EIF4G3: variants seen among roughly 807,000 people sequenced by gnomAD.
EIF4G3 encodes the protein eukaryotic translation initiation factor 4 gamma 3, also known as eIF-4-gamma 3.
EIF4G3 carries 34 observed loss-of-function variants against 186.4 expected under a neutral mutation model. That is an observed-to-expected ratio of 0.18 (90% CI 0.14 to 0.24). EIF4G3 has a LOEUF of 0.24. Ranked by LOEUF, EIF4G3 falls within the 10% of genes least tolerant of loss-of-function variation. EIF4G3 has a pLI of 1.00. For synonymous variants in EIF4G3, 673 were observed against 679.5 expected (o/e 0.99, Z 0.15); for missense variants, 1,536 against 1,948.5 (o/e 0.79, Z 3.99).
At chr1:20,899,642 C>A in intron 16 of EIF4G3, 55 bp downstream of exon 16, 1 of 1,583,722 alleles carries the variant, frequency 6.3e-7, no homozygotes, top group Non-Finnish European at 8.6e-7. Context: ...CAACATTTCT[C>A]TAAGGTTGCA....
chr1:21,160,843 C>T (rs764045350), intron 2 of EIF4G3, among the ~76,000 whole-genome samples: 8 of 152,062 alleles, frequency 5.3e-5, no homozygotes, highest in Non-Finnish European at 7.4e-5. Context: ...CAGCACAGTA[C>T]GAGGGCAGAG....
chr1:20,928,358 C>T (rs1327922749), intron 14 of EIF4G3, among the ~76,000 whole-genome samples: 1 of 152,134 alleles, frequency 6.6e-6, no homozygotes. Flanking sequence ...GCTATAACTT[C>T]CCTAAGCAAA....
chr1:21,087,097 C>T (rs1191276575), intron 3 of EIF4G3, among the ~76,000 whole-genome samples: 1 of 152,144 alleles, frequency 6.6e-6, no homozygotes, highest in Non-Finnish European at 1.5e-5. Context: ...ATAGGAATCA[C>T]TTCTCTATCA....
intron 4 of EIF4G3, among the ~76,000 whole-genome samples, chr1:21,009,028 ACTTAAAAT>A (rs1293544502): frequency 6.6e-6 from 1 of 152,224 alleles, no homozygotes; most frequent in East Asian, 1.9e-4. Flanking sequence ...GCTGGTAAAG[ACTTAAAAT>A]CTTAAAATCT....
chr1:20,864,995 GAA>G, intron 21 of EIF4G3, 119 bp downstream of exon 21: 1 of 1,105,710 alleles, frequency 9.0e-7, no homozygotes, highest in Non-Finnish European at 1.3e-6. Flanking sequence ...TTTCTACATG[GAA>G]AAAAAAAGGC....
At chr1:20,970,920 C>T (rs765117681) in intron 11 of EIF4G3, among the ~76,000 whole-genome samples, 5 of 152,026 alleles carry the variant, frequency 3.3e-5, no homozygotes, top group Admixed American at 6.5e-5. Flanking sequence ...GCTGAGATCA[C>T]GCCACTGCAC....
intron 2 of EIF4G3, among the ~76,000 whole-genome samples, chr1:21,131,617 A>T: frequency 6.6e-6 from 1 of 152,232 alleles, no homozygotes; most frequent in Non-Finnish European, 1.5e-5. Flanking sequence ...ATACTTAAGT[A>T]AACAGGTAAG....
At chr1:21,061,587 A>C (rs1053232552) in intron 3 of EIF4G3, among the ~76,000 whole-genome samples, 8 of 152,164 alleles carry the variant, frequency 5.3e-5, no homozygotes, top group African/African-American at 1.9e-4. Context: ...AAACTAGCAA[A>C]TTTCAGATGA....
chr1:20,923,437 C>A (rs1003930612), intron 14 of EIF4G3, among the ~76,000 whole-genome samples: 1 of 152,084 alleles, frequency 6.6e-6, no homozygotes, highest in Non-Finnish European at 1.5e-5. Flanking sequence ...CACTTTTGAA[C>A]CACTTCTACC....
intron 2 of EIF4G3, among the ~76,000 whole-genome samples, chr1:21,159,199 G>A (rs952425281): frequency 6.6e-6 from 1 of 151,988 alleles, no homozygotes; most frequent in African/African-American, 2.4e-5. Context: ...TTGGGAGGCC[G>A]AGGCAGGAGG....
chr1:21,124,039 C>G (rs1011079708), intron 2 of EIF4G3, among the ~76,000 whole-genome samples: 12 of 152,016 alleles, frequency 7.9e-5, no homozygotes, highest in Non-Finnish European at 2.9e-5. Flanking sequence ...GCCTGTAATC[C>G]CAGCACTTTG....
rs1469220136 is a variant in EIF4G3 at position 20,984,593 on chromosome 1, C to T, written c.178-2185G>A. ...ACACACACACACACACATATATACA[C>T]TTTTTTTTTTTTTTGAGACGGAGTC... is the stretch of plus-strand genomic sequence containing the variant. On this transcript the variant is annotated intron_variant, in intron 7 of 36. Coordinates refer to ENST00000602326, the MANE Select transcript of EIF4G3 (RefSeq NM_001391906.1). Among the ~76,000 whole-genome samples, 353 of 132,630 alleles carry T rather than the reference C, an allele frequency of 2.7e-3. 1 individual carries two copies. The highest frequency in any genetic ancestry group is 4.3e-3 in the Middle Eastern group (1 of 232). 87.0% of individuals were successfully genotyped at this position (132,630 alleles called of 152,430 possible).
At chr1:21,117,014 T>C (rs2096837080) in intron 2 of EIF4G3, among the ~76,000 whole-genome samples, 1 of 152,100 alleles carries the variant, frequency 6.6e-6, no homozygotes, top group South Asian at 2.1e-4. Context: ...AATTGTAAAA[T>C]ATAGTCCAGC....
chr1:21,176,103 C>A (rs989565964), intron 2 of EIF4G3, 72 bp downstream of exon 2: 6 of 290,606 alleles, frequency 2.1e-5, no homozygotes, highest in African/African-American at 9.0e-5. Context: ...CAGGAGGGTC[C>A]CCTGGGCTGC....
At chr1:21,092,045 G>C in intron 2 of EIF4G3, among the ~76,000 whole-genome samples, 1 of 152,198 alleles carries the variant, frequency 6.6e-6, no homozygotes, top group East Asian at 1.9e-4. Context: ...GGAGTGGTGA[G>C]AGAGGGGCAT....
chr1:21,142,515 T>C (rs2097358817), intron 2 of EIF4G3, among the ~76,000 whole-genome samples: 1 of 151,914 alleles, frequency 6.6e-6, no homozygotes, highest in Non-Finnish European at 1.5e-5. Flanking sequence ...TCCCCAAAAA[T>C]TAAATTTTTT....
In EIF4G3 at chr1:21,137,449, A is replaced by C. The variant is rs1053450687; in HGVS notation, c.-272+38726T>G. On this transcript the variant is annotated intron_variant, in intron 2 of 36. Coordinates refer to ENST00000602326, the MANE Select transcript of EIF4G3 (RefSeq NM_001391906.1). ...GACACTGCACCTGGTCTCAAATTATATACTGGACACCATCATCTATGAAAA... is the reference window on the plus strand; with the variant it reads ...GACACTGCACCTGGTCTCAAATTATCTACTGGACACCATCATCTATGAAAA... 6.6e-5 allele frequency among the ~76,000 whole-genome samples: 10 copies of C among 152,184 alleles called. No homozygotes were observed. In the Middle Eastern group the frequency reaches 0.01, roughly 156 times the overall value.
At chr1:21,123,193 G>C (rs1191470588) in intron 2 of EIF4G3, among the ~76,000 whole-genome samples, 2 of 152,046 alleles carry the variant, frequency 1.3e-5, no homozygotes, top group African/African-American at 4.8e-5. Context: ...GACAGTGGTA[G>C]GCTTAAATAA....
intron 6 of EIF4G3, chr1:20,999,579 C>G: frequency 3.2e-6 from 1 of 317,128 alleles, no homozygotes; most frequent in Non-Finnish European, 6.2e-6. Flanking sequence ...ATGTTCCAGT[C>G]AAAAGAGAAT....
Sources: gnomAD v4.1 joint callset for allele counts (sites outside exome capture counted in the v4.1 genomes callset) on GRCh38, gnomAD v4.1.1 for gene constraint, MANE v1.5 for transcripts, NCBI Gene and HGNC (gene_info 2026-07-23, HGNC 2026-07-21) for gene names.